Variants in COLEC10 observed in about 807,000 individuals in gnomAD.
The protein encoded by COLEC10 is collectin-10.
In COLEC10, 22 loss-of-function variants were observed where a neutral mutation model predicts 28.4. The observed-to-expected ratio is 0.78, with a 90% CI of 0.55 to 1.11. The LOEUF (loss-of-function observed/expected upper bound fraction) is 1.11, where lower values mean the gene tolerates loss of function less well. Ranked by LOEUF, COLEC10 falls within the 50% of genes least tolerant of loss-of-function variation. The pLI is 0.00. For missense variants in COLEC10, 361 were observed against 344.1 expected (o/e 1.05, Z -0.39); for synonymous variants, 125 against 116.1 (o/e 1.08, Z -0.49).
chr8:119,105,861 C>G lies in COLEC10; in HGVS notation c.504C>G (p.Asn168Lys), dbSNP rs1245058222. ...ACTACATCGTGCAGGAAGAGAAGAA[C>G]TACAGGGAATCCCTAACCCACTGCA... ...KFYYIVQEEK[N>K]YRESLTHCRI... Residue 168 changes from asparagine to lysine, a missense_variant, in exon 6 of 6, where the codon AAC becomes AAG. Physicochemically the swap from Asn to Lys is moderately conservative, Grantham distance 94 (BLOSUM62 0). Transcript: ENST00000332843. 2 of 1,613,674 alleles carry G rather than the reference C, an allele frequency of 1.2e-6. No individual in the cohort carries two copies. The highest frequency in any genetic ancestry group is 4.5e-5 in the East Asian group (2 of 44,856).
chr8:119,037,522 T>A (rs1441469359), intron 2 of COLEC10, among the ~76,000 whole-genome samples: 2 of 152,198 alleles, frequency 1.3e-5, no homozygotes, highest in Admixed American at 6.5e-5. Flanking sequence ...TGGACTCTTG[T>A]GTCTTCATGA....
At chr8:118,981,128 G>A in the COLEC10 span, among the ~76,000 whole-genome samples, 1 of 152,032 alleles carries the variant, frequency 6.6e-6, no homozygotes, top group East Asian at 1.9e-4. Flanking sequence ...GGGAGTGGTG[G>A]GGCCTGGCTA....
At chr8:118,963,649 A>G in the COLEC10 span, among the ~76,000 whole-genome samples, 1 of 152,246 alleles carries the variant, frequency 6.6e-6, no homozygotes, top group African/African-American at 2.4e-5. Context: ...TTCATAGTCT[A>G]CACATAAAAA....
chr8:119,088,582 A>G (rs565528169), intron 1 of COLEC10, among the ~76,000 whole-genome samples: 23 of 152,276 alleles, frequency 1.5e-4, no homozygotes, highest in Admixed American at 5.9e-4. Context: ...TTTTGTCTTT[A>G]GAAGGTTTTG....
intron 2 of COLEC10, among the ~76,000 whole-genome samples, chr8:119,031,749 C>T (rs1814292690): frequency 6.6e-6 from 1 of 151,990 alleles, no homozygotes; most frequent in South Asian, 2.1e-4. Flanking sequence ...ATAATTAGTT[C>T]AAAGGAGGAT....
intron 3 of COLEC10, among the ~76,000 whole-genome samples, chr8:119,099,531 T>G (rs141203154): frequency 1.3e-5 from 2 of 152,114 alleles, no homozygotes; most frequent in African/African-American, 4.8e-5. Context: ...AGCCAGTAAG[T>G]GGCAAAGCCA....
intron 1 of COLEC10, among the ~76,000 whole-genome samples, chr8:119,070,099 G>C (rs1815073287): frequency 6.6e-6 from 1 of 150,896 alleles, no homozygotes; most frequent in Non-Finnish European, 1.5e-5. Context: ...TTATTTCCCA[G>C]ACATGGTTTA....
At chr8:119,103,403 C>A (rs1291010675) in intron 4 of COLEC10, among the ~76,000 whole-genome samples, 1 of 151,848 alleles carries the variant, frequency 6.6e-6, no homozygotes, top group Admixed American at 6.6e-5. Context: ...TTGAATAATG[C>A]AATAACACAA....
rs1017426236 is a variant in COLEC10, at chr8:119,070,719, A to C, written c.148+3290A>C. Among the ~76,000 whole-genome samples the C allele has an allele frequency of 5.3e-5, 8 of 151,862 alleles. No homozygotes were observed. In the East Asian group the frequency reaches 9.7e-4, roughly 18 times the overall value. Reference sequence around the variant, plus strand: ...AAAATAACAGCGATAAAATATGTACAGCTATTATGTATTCATAAAAAATTT... The same window carrying C: ...AAAATAACAGCGATAAAATATGTACCGCTATTATGTATTCATAAAAAATTT... On this transcript the variant is annotated intron_variant, in intron 1 of 5. Transcript: ENST00000332843.
chr8:119,078,186 A>T (rs1481675844), intron 1 of COLEC10, among the ~76,000 whole-genome samples: 2 of 152,252 alleles, frequency 1.3e-5, no homozygotes, highest in Non-Finnish European at 2.9e-5. Flanking sequence ...TTTGGAGAGG[A>T]CACACATCAA....
chr8:119,019,317 T>TC (rs1814051363), intron 2 of COLEC10, among the ~76,000 whole-genome samples: 2 of 152,134 alleles, frequency 1.3e-5, no homozygotes, highest in African/African-American at 4.8e-5. Flanking sequence ...CTCTGTTGCC[T>TC]GTCAGTGCAG....
intron 2 of COLEC10, among the ~76,000 whole-genome samples, chr8:119,045,480 G>T (rs1457432644): frequency 6.6e-6 from 1 of 152,000 alleles, no homozygotes; most frequent in Non-Finnish European, 1.5e-5. Context: ...AACTTTACTT[G>T]ATGACATGAA....
At chr8:119,096,050 T>C (rs1425811229) in intron 3 of COLEC10, among the ~76,000 whole-genome samples, 2 of 150,448 alleles carry the variant, frequency 1.3e-5, no homozygotes, top group Admixed American at 6.6e-5. Flanking sequence ...TTATTGGCTA[T>C]TCATGTATAA....
chr8:119,045,043 A>G (rs1814563775), intron 2 of COLEC10, among the ~76,000 whole-genome samples: 1 of 152,038 alleles, frequency 6.6e-6, no homozygotes. Context: ...AATTTCCACA[A>G]TTTTTTCCTT....
chr8:119,002,329 T>TA (rs1294328424), intron 1 of COLEC10, among the ~76,000 whole-genome samples: 1 of 152,154 alleles, frequency 6.6e-6, no homozygotes, highest in African/African-American at 2.4e-5. Flanking sequence ...GAAATGTTTT[T>TA]ATCACACTAA....
chr8:119,018,466 T>A (rs80039784), intron 2 of COLEC10, among the ~76,000 whole-genome samples: 6,693 of 152,296 alleles, frequency 0.044, 218 homozygotes, highest in East Asian at 0.16. Context: ...TTATTGAAAC[T>A]ACTTTAAGAG....
chr8:119,053,142 G>A (rs973969921), intron 2 of COLEC10, among the ~76,000 whole-genome samples: 7 of 152,062 alleles, frequency 4.6e-5, no homozygotes, highest in African/African-American at 1.7e-4. Flanking sequence ...ACACTTCAGT[G>A]GAAAAATGCT....
chr8:118,958,413 A>G, the COLEC10 span, among the ~76,000 whole-genome samples: 1 of 152,240 alleles, frequency 6.6e-6, no homozygotes, highest in South Asian at 2.1e-4. Context: ...ACTTGCATTT[A>G]TAAACCAGAC....
chr8:119,091,372 A>T, intron 3 of COLEC10, 152 bp downstream of exon 3: 5 of 510,140 alleles, frequency 9.8e-6, no homozygotes, highest in Non-Finnish European at 1.7e-5. Flanking sequence ...ACACAGCAAG[A>T]CCCAATCTCT....
Sources: allele counts gnomAD v4.1 joint callset (sites outside exome capture counted in the v4.1 genomes callset), GRCh38; gene constraint gnomAD v4.1.1; transcripts MANE v1.5; gene names NCBI Gene and HGNC (gene_info 2026-07-23, HGNC 2026-07-21).